The following PCDH15 variants were observed in gnomAD, a reference collection of about 807,000 sequenced individuals.
PCDH15 encodes the protein protocadherin related 15.
In PCDH15, 129 loss-of-function variants were observed where a neutral mutation model predicts 178.5. That is an observed-to-expected ratio of 0.72 (90% CI 0.63 to 0.84). The LOEUF is 0.84. PCDH15 is among the 40% of genes least tolerant of loss of function. PCDH15 has a pLI of 0.00. For synonymous variants in PCDH15, 800 were observed against 732.0 expected (o/e 1.09, Z -1.50); for missense variants, 2,230 against 2,099.9 (o/e 1.06, Z -1.21).
intron 2 of PCDH15, among the ~76,000 whole-genome samples, chr10:55,072,123 T>C (rs1480470427): frequency 1.3e-5 from 2 of 151,784 alleles, no homozygotes; most frequent in Non-Finnish European, 2.9e-5. Flanking sequence ...TTTATAGCAC[T>C]AAATGCCCAC....
rs192446986 is a variant in PCDH15, at chr10:54,183,732, G to A, written c.1441-139C>T. 4.5e-5 allele frequency: 41 copies of A among 901,110 alleles called. No homozygotes were observed. In the East Asian group the frequency reaches 6.9e-4, roughly 15 times the overall value. The allele number at this position is 901,110 out of a possible 1,614,324, so 55.8% of individuals were successfully genotyped here. A position where few individuals can be genotyped will look rare whatever the true frequency, so the allele number is the denominator to read the frequency against. On this transcript the variant is annotated intron_variant, in intron 12 of 37. Transcript: ENST00000644397. The stretch of plus-strand genomic sequence containing the variant: ...TGCAAAAATATTTTGTTGATAAAAG[G>A]ACGTAATAGAGACGTAATATTACAT...
intron 3 of PCDH15, among the ~76,000 whole-genome samples, chr10:54,417,253 T>TA (rs1954568561): frequency 6.6e-6 from 1 of 152,118 alleles, no homozygotes; most frequent in Admixed American, 6.6e-5. Flanking sequence ...AGTTTACACT[T>TA]ACGTCGATCT....
At chr10:54,013,121 C>T (rs1162112100) in intron 20 of PCDH15, among the ~76,000 whole-genome samples, 1 of 151,408 alleles carries the variant, frequency 6.6e-6, no homozygotes, top group African/African-American at 2.4e-5. Context: ...AAATTTCAGA[C>T]AAAAAGAGAC....
chr10:54,284,781 A>G (rs2058930718), intron 8 of PCDH15, among the ~76,000 whole-genome samples: 1 of 152,224 alleles, frequency 6.6e-6, no homozygotes, highest in South Asian at 2.1e-4. Context: ...TATTCATTAT[A>G]TGAAGCATTA....
At chr10:54,251,570 A>G (rs906500500) in intron 8 of PCDH15, among the ~76,000 whole-genome samples, 3 of 152,190 alleles carry the variant, frequency 2.0e-5, no homozygotes, top group Non-Finnish European at 4.4e-5. Flanking sequence ...AACCAGGCTG[A>G]TGCAGACAAA....
At chr10:55,608,692 C>G (rs753589976) in intron 2 of PCDH15, among the ~76,000 whole-genome samples, 11 of 151,864 alleles carry the variant, frequency 7.2e-5, no homozygotes, top group Non-Finnish European at 1.2e-4. Context: ...AATGGGAGAT[C>G]AGTCTCAAAT....
intron 3 of PCDH15, among the ~76,000 whole-genome samples, chr10:54,499,070 G>T (rs1247009336): frequency 6.6e-6 from 1 of 152,114 alleles, no homozygotes; most frequent in African/African-American, 2.4e-5. Context: ...CAATATTGGG[G>T]ATTACAATTC....
chr10:54,195,941 T>G lies in PCDH15; in HGVS notation c.1099-52A>C, dbSNP rs760486870. 10 of 1,535,612 alleles carry G rather than the reference T, an allele frequency of 6.5e-6. No homozygotes were observed. The African/African-American group carries it at 1.1e-4, about 17-fold the overall frequency. ...TTAGAAAGTATATGTCGTGCTATCT[T>G]TTTGGAGTTTCACTTTTCATGCAAT... On this transcript the variant is annotated intron_variant, in intron 10 of 37. Transcript: ENST00000644397.
At chr10:55,116,670 T>C (rs760321186) in intron 2 of PCDH15, among the ~76,000 whole-genome samples, 11 of 152,230 alleles carry the variant, frequency 7.2e-5, no homozygotes, top group Middle Eastern at 6.8e-3. Context: ...GCTTCCACAA[T>C]AGAATCATGG....
At chr10:54,022,649 A>T (rs1199601856) in intron 19 of PCDH15, among the ~76,000 whole-genome samples, 2 of 152,172 alleles carry the variant, frequency 1.3e-5, no homozygotes, top group Non-Finnish European at 2.9e-5. Context: ...ATTAAAAAGT[A>T]TATTTTTAAT....
At chr10:54,907,621 C>A (rs1446825182) in intron 2 of PCDH15, among the ~76,000 whole-genome samples, 1 of 152,086 alleles carries the variant, frequency 6.6e-6, no homozygotes, top group Non-Finnish European at 1.5e-5. Context: ...AACACTCATT[C>A]CTATAAATAC....
chr10:53,902,674 T>C (rs2921922), intron 26 of PCDH15, among the ~76,000 whole-genome samples: 78,023 of 151,828 alleles, frequency 0.51, 21,389 homozygotes, highest in Middle Eastern at 0.68. Context: ...TGATGATAAA[T>C]AAAGAAAAAA....
At chr10:54,715,311 C>T (rs1227233610) in intron 1 of PCDH15, among the ~76,000 whole-genome samples, 1 of 152,158 alleles carries the variant, frequency 6.6e-6, no homozygotes, top group Non-Finnish European at 1.5e-5. Context: ...ATTGATTCTG[C>T]TCACCCTCCA....
intron 2 of PCDH15, among the ~76,000 whole-genome samples, chr10:55,397,366 T>G (rs1258667071): frequency 5.9e-5 from 9 of 152,176 alleles, no homozygotes. Context: ...GTCATTATTC[T>G]CTTTTTTCAA....
chr10:53,926,497 T>C (rs1452619222), intron 25 of PCDH15, among the ~76,000 whole-genome samples: 1 of 152,230 alleles, frequency 6.6e-6, no homozygotes, highest in African/African-American at 2.4e-5. Flanking sequence ...AGTTGCTTTA[T>C]GAGAAACACT....
At chr10:54,161,162 A>G (rs2045672541) in intron 13 of PCDH15, among the ~76,000 whole-genome samples, 1 of 152,224 alleles carries the variant, frequency 6.6e-6, no homozygotes, top group Non-Finnish European at 1.5e-5. Flanking sequence ...ACTGGTAAAC[A>G]GATAAGCAGA....
chr10:54,242,151 T>C (rs1171926171), intron 8 of PCDH15, among the ~76,000 whole-genome samples: 10 of 86,080 alleles, frequency 1.2e-4, no homozygotes, highest in African/African-American at 4.8e-4. Context: ...TATATATATA[T>C]ATATATATAT....
chr10:55,081,981 A>C (rs898375741), intron 2 of PCDH15, among the ~76,000 whole-genome samples: 1 of 152,120 alleles, frequency 6.6e-6, no homozygotes, highest in East Asian at 1.9e-4. Context: ...ATAGTTGGAG[A>C]CTTCAACACC....
At chr10:54,717,139 C>T (rs1481352214) in intron 1 of PCDH15, among the ~76,000 whole-genome samples, 1 of 136,418 alleles carries the variant, frequency 7.3e-6, no homozygotes, top group Admixed American at 7.5e-5. Flanking sequence ...AAATGTTAGA[C>T]CTAAAACCAT....
Sources: gnomAD v4.1 joint callset for allele counts (sites outside exome capture counted in the v4.1 genomes callset) on GRCh38, gnomAD v4.1.1 for gene constraint, MANE v1.5 for transcripts, NCBI Gene and HGNC (gene_info 2026-07-23, HGNC 2026-07-21) for gene names.